RBM15B: variants seen among roughly 807,000 people sequenced by gnomAD.
RBM15B encodes putative RNA-binding protein 15B.
Under a neutral mutation model 53.3 loss-of-function variants are expected in RBM15B, and 11 were observed. That is an observed-to-expected ratio of 0.21 (90% CI 0.13 to 0.34). RBM15B has a LOEUF of 0.34. Ranked by LOEUF, RBM15B falls within the 10% of genes least tolerant of loss-of-function variation. The pLI, the probability that RBM15B is intolerant of heterozygous loss-of-function variation, is 1.00. For synonymous variants in RBM15B, 631 were observed against 540.7 expected (o/e 1.17, Z -2.32); for missense variants, 1,136 against 1,250.3 (o/e 0.91, Z 1.38).
rs1577020602 is a variant in RBM15B, at chr3:51,393,955, G to A, written c.2556G>A (p.Met852Ile). 6.6e-7 allele frequency: 1 copy of A among 1,524,998 alleles called. No homozygotes were observed. Among genetic ancestry groups the A allele is most frequent in the African/African-American group, 1.4e-5 (1 of 72,064 alleles). The allele number at this position is 1,524,998 out of a possible 1,614,324, so 94.5% of individuals were successfully genotyped here. A position where few individuals can be genotyped will look rare whatever the true frequency, so the allele number is the denominator to read the frequency against. ...GGSKGRDGTG[M>I]LYAFPPCDFS... ...CCAAGGGCAGAGACGGCACAGGCAT[G>A]CTCTACGCCTTCCCACCCTGCGACT... Residue 852 changes from methionine to isoleucine, a missense_variant, in exon 1 of 1, where the codon ATG becomes ATA. Met to Ile is a conservative substitution (Grantham distance 10). Coordinates refer to ENST00000563281, the MANE Select transcript of RBM15B (RefSeq NM_013286.5). The surrounding 1 kb of genome is among the most constrained non-coding windows in gnomAD (Gnocchi z 5.6).
At position 51,395,736 on chromosome 3, in the gene RBM15B, T is replaced by C; in HGVS notation, c.*1664T>C. Reference sequence around the variant, plus strand: ...CCTGAGATTAGAGGCTGGGGCTCACTGCAGGCTGTGGAGAGGTCATGCTGG... The same window carrying C: ...CCTGAGATTAGAGGCTGGGGCTCACCGCAGGCTGTGGAGAGGTCATGCTGG... On this transcript the variant is annotated 3_prime_UTR_variant, in exon 1 of 1. Coordinates refer to ENST00000563281, the MANE Select transcript of RBM15B (RefSeq NM_013286.5). 2.4e-6 allele frequency: 1 copy of C among 413,290 alleles called. No individual in the cohort carries two copies. The highest frequency in any genetic ancestry group is 4.4e-6 in the Non-Finnish European group (1 of 226,096). 25.6% of individuals were successfully genotyped at this position (413,290 alleles called of 1,614,324 possible).
At position 51,395,832 on chromosome 3, in the gene RBM15B, G is replaced by GAGCA. The variant is rs1172074039; in HGVS notation, c.*1765_*1768dup. On this transcript the variant is annotated 3_prime_UTR_variant, in exon 1 of 1. Coordinates refer to ENST00000563281, the MANE Select transcript of RBM15B (RefSeq NM_013286.5). ...TGGAATGGACAGGTGCCTCGCAAGA[G>GAGCA]AGCAAGCACGTTCATAACAAAACAG... 1 of 413,424 alleles carries GAGCA rather than the reference G, an allele frequency of 2.4e-6. No homozygotes were observed. 25.6% of individuals were successfully genotyped at this position (413,424 alleles called of 1,614,324 possible).
At position 51,391,447 on chromosome 3, in the gene RBM15B, G is replaced by T. The variant is rs1577018662; in HGVS notation, c.48G>T (p.Ser16=). 1.6e-6 allele frequency: 2 copies of T among 1,269,116 alleles called. No homozygotes were observed. The highest frequency in any genetic ancestry group is 2.0e-6 in the Non-Finnish European group (2 of 1,004,628). 78.6% of individuals were successfully genotyped at this position (1,269,116 alleles called of 1,614,324 possible). The part of the protein sequence containing the change: ...ERDSSPSGRG[S]SSSAKRPRER... Reference sequence around the variant, plus strand: ...ACTCTAGCCCGAGCGGGCGCGGCTCGTCATCGTCCGCCAAGCGTCCGCGGG... The same window carrying T: ...ACTCTAGCCCGAGCGGGCGCGGCTCTTCATCGTCCGCCAAGCGTCCGCGGG... The change falls in exon 1 of 1, where the codon TCG becomes TCT. Residue 16 remains serine, a synonymous_variant. Coordinates refer to ENST00000563281, the MANE Select transcript of RBM15B (RefSeq NM_013286.5). The surrounding 1 kb of genome is among the most constrained non-coding windows in gnomAD (Gnocchi z 4.5).
rs3050035 is a variant in RBM15B at position 51,394,550 on chromosome 3, C to CTTAT, written c.*481_*482insTTTA. On this transcript the variant is annotated 3_prime_UTR_variant, in exon 1 of 1. Transcript: ENST00000563281. ...TTCTTCAGGCTCAGTCTGGACTCTA[C>CTTAT]TTACACTCATTTTTATCTTGGCTGA... is the stretch of plus-strand genomic sequence containing the variant. The CTTAT allele has an allele frequency of 0.069, 11,616 of 167,434 alleles. 959 individuals are homozygous for CTTAT. Among genetic ancestry groups the CTTAT allele is most frequent in the East Asian group, 0.33 (1,688 of 5,168 alleles). The allele number at this position is 167,434 out of a possible 1,614,324, so 10.4% of individuals were successfully genotyped here. A position where few individuals can be genotyped will look rare whatever the true frequency, so the allele number is the denominator to read the frequency against.
Position 51,392,027 on chromosome 3 carries a change from C to T in RBM15B, c.628C>T (p.Arg210Cys). 5 of 1,597,630 alleles carry T rather than the reference C, an allele frequency of 3.1e-6. No homozygotes were observed. The highest frequency in any genetic ancestry group is 4.2e-6 in the Non-Finnish European group (5 of 1,178,318). ...GGCCCGGCAGCTGCTGCTCTACGACCGCCCGCTCAAGGTAGAGCCCGTGTA... is the reference window on the plus strand; with the variant it reads ...GGCCCGGCAGCTGCTGCTCTACGACTGCCCGCTCAAGGTAGAGCCCGTGTA... ...ALARQLLLYDRPLKVEPVYLR... is the reference protein window; with the variant it reads ...ALARQLLLYDCPLKVEPVYLR... Residue 210 changes from arginine (R) to cysteine (C), a missense_variant, in exon 1 of 1, where the codon CGC becomes TGC. This residue lies in a region of RBM15B where 204 missense variants were observed against 196.8 expected (regional missense o/e 1.04). Coordinates refer to ENST00000563281, the MANE Select transcript of RBM15B (RefSeq NM_013286.5). The surrounding 1 kb of genome is among the most constrained non-coding windows in gnomAD (Gnocchi z 7.5).
rs1352997035 is a variant in RBM15B at position 51,395,946 on chromosome 3, C to CAAGT, written c.*1875_*1878dup. On this transcript the variant is annotated 3_prime_UTR_variant, in exon 1 of 1. Transcript: ENST00000563281. ...TGGTCACAGCTGCCAGGTACCTAAG[C>CAAGT]AAGTCAGTTGGGTACAGCAGGACAC... is the stretch of plus-strand genomic sequence containing the variant. 2.4e-6 allele frequency: 1 copy of CAAGT among 413,374 alleles called. No individual in the cohort carries two copies. Among genetic ancestry groups the CAAGT allele is most frequent in the Non-Finnish European group, 4.4e-6 (1 of 226,140 alleles). The allele number at this position is 413,374 out of a possible 1,614,324, so 25.6% of individuals were successfully genotyped here.
In RBM15B at chr3:51,393,876, C is replaced by A; in HGVS notation, c.2477C>A (p.Ser826Tyr). The change falls in exon 1 of 1, where the codon TCC (serine) becomes TAC (tyrosine). Residue 826 changes from serine to tyrosine, a missense_variant. By Grantham distance (144) the Ser-to-Tyr change is moderately radical. This residue lies in a region of RBM15B where 578 missense variants were observed against 581.6 expected (regional missense o/e 0.99). Transcript: ENST00000563281. The surrounding 1 kb of genome is among the most constrained non-coding windows in gnomAD (Gnocchi z 5.6). ...AGGCGGCTTCTCAGGAACCTGGTCT[C>A]CTACTTGAAACAGAAGCAGGCCGCA... ...LQRRLLRNLV[S>Y]YLKQKQAAGV... 6.3e-7 allele frequency: 1 copy of A among 1,578,968 alleles called. No individual in the cohort carries two copies. Among genetic ancestry groups the A allele is most frequent in the Non-Finnish European group, 8.6e-7 (1 of 1,164,244 alleles).
rs1553621513 is a variant in RBM15B at position 51,391,513 on chromosome 3, G to A, written c.114G>A (p.Ala38=). The change falls in exon 1 of 1, where the codon GCG becomes GCA. Residue 38 remains alanine (A), a synonymous_variant. Coordinates refer to ENST00000563281, the MANE Select transcript of RBM15B (RefSeq NM_013286.5). The surrounding 1 kb of genome is among the most constrained non-coding windows in gnomAD (Gnocchi z 4.5). ...REAEAGGRRA[A]HKASGGAKHP... The stretch of plus-strand genomic sequence containing the variant: ...CGGAGGCGGGCGGGCGGCGGGCGGC[G>A]CACAAGGCCTCTGGCGGCGCCAAGC... The A allele has an allele frequency of 8.3e-7, 1 of 1,204,798 alleles. No homozygotes were observed. The highest frequency in any genetic ancestry group is 1.0e-6 in the Non-Finnish European group (1 of 970,452). 74.6% of individuals were successfully genotyped at this position (1,204,798 alleles called of 1,614,324 possible).
Position 51,391,386 on chromosome 3 carries a change from G to A in RBM15B, c.-14G>A. ...TGAGAAACCTACGGGCCGCCCGCCC[G>A]CCGCGCCAGCGCCATGAAGCGGCAG... On this transcript the variant is annotated 5_prime_UTR_variant, in exon 1 of 1. Coordinates refer to ENST00000563281, the MANE Select transcript of RBM15B (RefSeq NM_013286.5). This position sits in a 1 kb window ranked among gnomAD's most constrained non-coding sequence, Gnocchi z 4.5. 2 of 1,203,768 alleles carry A rather than the reference G, an allele frequency of 1.7e-6. No homozygotes were observed. The highest frequency in any genetic ancestry group is 2.1e-6 in the Non-Finnish European group (2 of 971,746). The allele number at this position is 1,203,768 out of a possible 1,614,324, so 74.6% of individuals were successfully genotyped here.
In RBM15B at chr3:51,396,098, G is replaced by A; in HGVS notation, c.*2026G>A. The A allele has an allele frequency of 2.4e-6, 1 of 410,368 alleles. No homozygotes were observed. The highest frequency in any genetic ancestry group is 6.3e-4 in the Middle Eastern group (1 of 1,582). The allele number at this position is 410,368 out of a possible 1,614,324, so 25.4% of individuals were successfully genotyped here. ...TGAGTCACAGGCCAGAGCTGCCTTG[G>A]TATGTTGTTAAGTCCAAAACTTCTT... is the stretch of plus-strand genomic sequence containing the variant. On this transcript the variant is annotated 3_prime_UTR_variant, in exon 1 of 1. Coordinates refer to ENST00000563281, the MANE Select transcript of RBM15B (RefSeq NM_013286.5).
In RBM15B at chr3:51,394,303, A is replaced by G. The variant is rs991567497; in HGVS notation, c.*231A>G. 9 of 497,266 alleles carry G rather than the reference A, an allele frequency of 1.8e-5. No individual in the cohort carries two copies. Among genetic ancestry groups the G allele is most frequent in the Non-Finnish European group, 2.6e-5 (8 of 311,002 alleles). 30.8% of individuals were successfully genotyped at this position (497,266 alleles called of 1,614,324 possible). A position where few individuals can be genotyped will look rare whatever the true frequency, so the allele number is the denominator to read the frequency against. ...CCGGTTATGTTGATTTCTAGTGTAC[A>G]AGATACTGTCTGCTGTGGTTCTGTA... On this transcript the variant is annotated 3_prime_UTR_variant, in exon 1 of 1. Coordinates refer to ENST00000563281, the MANE Select transcript of RBM15B (RefSeq NM_013286.5).
At position 51,394,333 on chromosome 3, in the gene RBM15B, T is replaced by G; in HGVS notation, c.*261T>G. 2.5e-6 allele frequency: 1 copy of G among 407,596 alleles called. No homozygotes were observed. 25.2% of individuals were successfully genotyped at this position (407,596 alleles called of 1,614,324 possible). A position where few individuals can be genotyped will look rare whatever the true frequency, so the allele number is the denominator to read the frequency against. ...ACTGTCTGCTGTGGTTCTGTATTTTTTTATTTTTTGACCAACTGTATGGAA... is the reference window on the plus strand; with the variant it reads ...ACTGTCTGCTGTGGTTCTGTATTTTGTTATTTTTTGACCAACTGTATGGAA... On this transcript the variant is annotated 3_prime_UTR_variant, in exon 1 of 1. Transcript: ENST00000563281.
rs1466124284 is a variant in RBM15B, at chr3:51,396,072, C to CTGAG, written c.*2002_*2005dup. ...TTTCCTGCAGCTCTCCAACAAACGC[C>CTGAG]TGAGTCACAGGCCAGAGCTGCCTTG... On this transcript the variant is annotated 3_prime_UTR_variant, in exon 1 of 1. Coordinates refer to ENST00000563281, the MANE Select transcript of RBM15B (RefSeq NM_013286.5). 7.3e-6 allele frequency: 3 copies of CTGAG among 411,426 alleles called. No homozygotes were observed. The highest frequency in any genetic ancestry group is 1.3e-5 in the Non-Finnish European group (3 of 225,524). 25.5% of individuals were successfully genotyped at this position (411,426 alleles called of 1,614,324 possible).
rs545157752 is a variant in RBM15B, at chr3:51,393,420, A to T, written c.2021A>T (p.Asp674Val). The T allele has an allele frequency of 7.4e-6, 12 of 1,613,488 alleles. No individual in the cohort carries two copies. Among genetic ancestry groups the T allele is most frequent in the Non-Finnish European group, 1.0e-5 (12 of 1,179,906 alleles). The part of the protein sequence containing the change: ...GHHHHHHEAA[D>V]SSHGKKARDS... ...CACCACCACCACCACGAGGCTGCAG[A>T]CTCTTCCCACGGGAAGAAGGCAAGA... The change falls in exon 1 of 1, where the codon GAC becomes GTC. Residue 674 changes from aspartate (D) to valine (V), a missense_variant. By Grantham distance (152) the Asp-to-Val change is radical. This residue lies in a region of RBM15B where 578 missense variants were observed against 581.6 expected (regional missense o/e 0.99). Transcript: ENST00000563281. This position sits in a 1 kb window ranked among gnomAD's most constrained non-coding sequence, Gnocchi z 5.6.
chr3:51,395,613 C>T lies in RBM15B; in HGVS notation c.*1541C>T. ...GAAGCTCTGGTAAGCGAATGAGCCC[C>T]TAGATGATAACCAGGAACTCCAGGT... On this transcript the variant is annotated 3_prime_UTR_variant, in exon 1 of 1. Coordinates refer to ENST00000563281, the MANE Select transcript of RBM15B (RefSeq NM_013286.5). 2 of 407,866 alleles carry T rather than the reference C, an allele frequency of 4.9e-6. No individual in the cohort carries two copies. The highest frequency in any genetic ancestry group is 4.5e-6 in the Non-Finnish European group (1 of 223,202). The allele number at this position is 407,866 out of a possible 1,614,324, so 25.3% of individuals were successfully genotyped here.
In RBM15B at chr3:51,393,057, C is replaced by T; in HGVS notation, c.1658C>T (p.Pro553Leu). 1.2e-6 allele frequency: 2 copies of T among 1,613,808 alleles called. No individual in the cohort carries two copies. Among genetic ancestry groups the T allele is most frequent in the Non-Finnish European group, 1.7e-6 (2 of 1,179,934 alleles). Residue 553 changes from proline to leucine, a missense_variant, in exon 1 of 1, where the codon CCC becomes CTC. Coordinates refer to ENST00000563281, the MANE Select transcript of RBM15B (RefSeq NM_013286.5). This position sits in a 1 kb window ranked among gnomAD's most constrained non-coding sequence, Gnocchi z 5.6. ...TTTTTGGAAGGGGACTGGACCAGCC[C>T]CAGTAAAAGCTCTGACCGCCGAAAC... ...RTFLEGDWTS[P>L]SKSSDRRNSL...
chr3:51,392,545 C>T lies in RBM15B; in HGVS notation c.1146C>T (p.Leu382=). 1 of 1,613,960 alleles carries T rather than the reference C, an allele frequency of 6.2e-7. No homozygotes were observed. The highest frequency in any genetic ancestry group is 8.5e-7 in the Non-Finnish European group (1 of 1,180,026). The part of the protein sequence containing the change: ...ARGQGGAYAF[L]KFQNLDMAHR... ...GCCAGGGCGGTGCCTATGCCTTCCT[C>T]AAGTTCCAGAACCTGGACATGGCCC... Residue 382 remains leucine, a synonymous_variant, in exon 1 of 1, where the codon CTC becomes CTT. Transcript: ENST00000563281. This position sits in a 1 kb window ranked among gnomAD's most constrained non-coding sequence, Gnocchi z 7.5.
chr3:51,391,710 G>T lies in RBM15B; in HGVS notation c.311G>T (p.Gly104Val), dbSNP rs1455196855. 3.0e-5 allele frequency: 41 copies of T among 1,375,730 alleles called. No homozygotes were observed. The highest frequency in any genetic ancestry group is 1.6e-5 in the Non-Finnish European group (17 of 1,072,258). 85.2% of individuals were successfully genotyped at this position (1,375,730 alleles called of 1,614,324 possible). ...GGCGGCAAGGCCTCGGGGGACCCGG[G>T]CGCCTCCGGCATGTCGCCCCGCGCG... ...GRGGKASGDP[G>V]ASGMSPRASP... Residue 104 changes from glycine to valine, a missense_variant, in exon 1 of 1, where the codon GGC (glycine) becomes GTC (valine). By Grantham distance (109) the Gly-to-Val change is moderately radical. This residue lies in a region of RBM15B where 257 missense variants were observed against 261.1 expected (regional missense o/e 0.98). Coordinates refer to ENST00000563281, the MANE Select transcript of RBM15B (RefSeq NM_013286.5). This position sits in a 1 kb window ranked among gnomAD's most constrained non-coding sequence, Gnocchi z 4.5.
In RBM15B at chr3:51,396,292, TC is replaced by T. The variant is rs2089199179; in HGVS notation, c.*2223del. 5.2e-6 allele frequency: 1 copy of T among 192,494 alleles called. No individual in the cohort carries two copies. The highest frequency in any genetic ancestry group is 2.3e-5 in the African/African-American group (1 of 42,630). The allele number at this position is 192,494 out of a possible 1,614,324, so 11.9% of individuals were successfully genotyped here. A position where few individuals can be genotyped will look rare whatever the true frequency, so the allele number is the denominator to read the frequency against. ...TCCAACCCCTCTTCAGAGAAAGGTG[TC>T]CCATGGCCCCAAAAAGAACTGCCAA... On this transcript the variant is annotated 3_prime_UTR_variant, in exon 1 of 1. Coordinates refer to ENST00000563281, the MANE Select transcript of RBM15B (RefSeq NM_013286.5).
Sources: gnomAD v4.1 joint callset for allele counts on GRCh38, gnomAD v4.1.1 for gene constraint, gnomAD v4.1.1 regional missense constraint, Gnocchi (gnomAD v3.1) non-coding constraint, MANE v1.5 for transcripts, NCBI Gene and HGNC (gene_info 2026-07-23, HGNC 2026-07-21) for gene names.